Variants in C1QTNF8 observed in about 807,000 individuals in gnomAD.
The protein encoded by C1QTNF8 is complement C1q tumor necrosis factor-related protein 8.
Under a neutral mutation model 19.2 loss-of-function variants are expected in C1QTNF8, and 27 were observed. The ratio of observed to expected loss-of-function variants is 1.41; its 90% confidence interval spans 1.04 to 1.94. The LOEUF (loss-of-function observed/expected upper bound fraction) is 1.94. Among genes scored for constraint, C1QTNF8 ranks in the 30% most tolerant of loss-of-function variants. The pLI is 0.00. For synonymous variants in C1QTNF8, 208 were observed against 172.8 expected (o/e 1.20, Z -1.60); for missense variants, 484 against 374.4 (o/e 1.29, Z -2.42).
At chr16:1,094,531 A>C in intron 3 of C1QTNF8, 184 bp downstream of exon 3, 1 of 501,276 alleles carries the variant, frequency 2.0e-6, no homozygotes, top group Non-Finnish European at 3.4e-6. Context: ...TCCCTCCCCA[A>C]GCCAGGCTTC....
intron 4 of C1QTNF8, among the ~76,000 whole-genome samples, chr16:1,091,731 C>T (rs1012146622): frequency 6.6e-6 from 1 of 152,162 alleles, no homozygotes; most frequent in African/African-American, 2.4e-5. Flanking sequence ...CAATCTTCCT[C>T]CAGCCCCCAC....
chr16:1,094,152 G>A (rs1327284392), intron 3 of C1QTNF8, 101 bp from the exon 4 acceptor site: 8 of 956,364 alleles, frequency 8.4e-6, no homozygotes, highest in Non-Finnish European at 1.1e-5. Context: ...GTCACTGTAA[G>A]GACACACTCT....
At chr16:1,093,409 CACA>C in intron 4 of C1QTNF8, 85 bp downstream of exon 4, 1 of 666,468 alleles carries the variant, frequency 1.5e-6, no homozygotes. Context: ...CCCACACACA[CACA>C]CCCACACCCA....
intron 4 of C1QTNF8, among the ~76,000 whole-genome samples, chr16:1,092,400 C>G (rs1297541978): frequency 2.0e-5 from 3 of 148,340 alleles, no homozygotes; most frequent in African/African-American, 5.2e-5. Context: ...TGCACACAGT[C>G]GGCGCTCAAT....
At chr16:1,095,448 C>A (rs1207317113) in intron 2 of C1QTNF8, among the ~76,000 whole-genome samples, 167 bp downstream of exon 2, 2 of 152,172 alleles carry the variant, frequency 1.3e-5, no homozygotes, top group African/African-American at 4.8e-5. Context: ...CCTGCAGGGG[C>A]CTCGGGAGGC....
chr16:1,090,659 C>G (rs572838723), intron 4 of C1QTNF8, 65 bp from the exon 5 acceptor site: 1 of 152,310 alleles, frequency 6.6e-6, no homozygotes, highest in Non-Finnish European at 1.5e-5. Context: ...CACACAAAAA[C>G]GGCGGCTGTG....
At chr16:1,093,272 G>A (rs1383089982) in intron 4 of C1QTNF8, among the ~76,000 whole-genome samples, 2 of 137,748 alleles carry the variant, frequency 1.5e-5, no homozygotes, top group Non-Finnish European at 3.1e-5. Context: ...CACAGTCGGC[G>A]CTCAACAAAT....
In C1QTNF8 at chr16:1,094,715, C is replaced by CT; in HGVS notation, c.207dup (p.Gly70ArgfsTer2). ...TGCAGGCAGCACCCACGGGCCTCACCTTTGAGGATTTCGATGTCTATAGTG... is the reference window on the plus strand; with the variant it reads ...TGCAGGCAGCACCCACGGGCCTCACCTTTTGAGGATTTCGATGTCTATAGTG... On this transcript the variant is annotated frameshift_variant and splice_region_variant, in exon 3 of 5. Coordinates refer to ENST00000328449, the MANE Select transcript of C1QTNF8 (RefSeq NM_207419.3). LOFTEE classifies it high-confidence loss of function. The CT allele has an allele frequency of 6.3e-7, 1 of 1,593,998 alleles. No homozygotes were observed. Among genetic ancestry groups the CT allele is most frequent in the Non-Finnish European group, 8.5e-7 (1 of 1,170,988 alleles).
rs1050599278 is a variant in C1QTNF8, at chr16:1,094,991, A to T, written c.-11-58T>A. ...AGGAGGTGCCCCAGCTGGAGCCCCC[A>T]GACCCTACGGCAGCCCGGCCCTGCC... On this transcript the variant is annotated intron_variant, in intron 2 of 4. Transcript: ENST00000328449. The T allele has an allele frequency of 5.2e-6, 4 of 768,702 alleles. No individual in the cohort carries two copies. In the African/African-American group the frequency reaches 5.5e-5, roughly 10 times the overall value. 47.6% of individuals were successfully genotyped at this position (768,702 alleles called of 1,614,324 possible).
chr16:1,094,751 G>C lies in C1QTNF8; in HGVS notation c.172C>G (p.Arg58Gly). 1 of 1,562,498 alleles carries C rather than the reference G, an allele frequency of 6.4e-7. No individual in the cohort carries two copies. The highest frequency in any genetic ancestry group is 8.6e-7 in the Non-Finnish European group (1 of 1,156,660). ...WRGDLWRGLP[R>G]VRPTIDIEIL... is the part of the protein sequence containing the mutation. ...TCGATGTCTATAGTGGGCCGTACTCGAGGCAGCCCCCTCCACAGGTCCCCC... is the reference window on the plus strand; with the variant it reads ...TCGATGTCTATAGTGGGCCGTACTCCAGGCAGCCCCCTCCACAGGTCCCCC... The change falls in exon 3 of 5, where the codon CGA (arginine) becomes GGA (glycine). Residue 58 changes from arginine to glycine, a missense_variant. Physicochemically the swap from Arg to Gly is moderately radical, Grantham distance 125. Transcript: ENST00000328449.
Position 1,093,979 on chromosome 16 carries a change from C to A in C1QTNF8, c.281G>T (p.Gly94Val). 6.8e-7 allele frequency: 1 copy of A among 1,462,274 alleles called. No individual in the cohort carries two copies. Among genetic ancestry groups the A allele is most frequent in the South Asian group, 1.4e-5 (1 of 72,430 alleles). The allele number at this position is 1,462,274 out of a possible 1,614,324, so 90.6% of individuals were successfully genotyped here. A position where few individuals can be genotyped will look rare whatever the true frequency, so the allele number is the denominator to read the frequency against. The change falls in exon 4 of 5, where the codon GGC becomes GTC. Residue 94 changes from glycine (G) to valine (V), a missense_variant. Transcript: ENST00000328449. ...CTTCTGGCCTCTGCGGCCCTGCAGG[C>A]CCCGGGCGCCTGGCGGCCCCTCTTT... The part of the protein sequence containing the change: ...SGKEGPPGAR[G>V]LQGRRGQKGQ...
At position 1,094,059 on chromosome 16, in the gene C1QTNF8, G is replaced by A; in HGVS notation, c.209-8C>T. The A allele has an allele frequency of 1.4e-6, 2 of 1,437,486 alleles. No homozygotes were observed. Among genetic ancestry groups the A allele is most frequent in the Non-Finnish European group, 1.8e-6 (2 of 1,108,738 alleles). 89.0% of individuals were successfully genotyped at this position (1,437,486 alleles called of 1,614,324 possible). A position where few individuals can be genotyped will look rare whatever the true frequency, so the allele number is the denominator to read the frequency against. ...CGGCCTCACCCTTCTCACCTGCAGG[G>A]GACAAACGAAAGCCACGGGTCGGGG... On this transcript the variant is annotated splice_region_variant and splice_polypyrimidine_tract_variant and intron_variant, in intron 3 of 4. Coordinates refer to ENST00000328449, the MANE Select transcript of C1QTNF8 (RefSeq NM_207419.3).
chr16:1,094,639 C>A, intron 3 of C1QTNF8, 76 bp downstream of exon 3: 1 of 1,291,964 alleles, frequency 7.7e-7, no homozygotes, highest in South Asian at 1.4e-5. Context: ...TCCTCCCAAG[C>A]CCCAGGTGCT....
chr16:1,089,424 C>T lies in C1QTNF8; in HGVS notation c.*1175G>A, dbSNP rs541206861. ...CTCCGGGGCCTGGACACCAAGGGCT[C>T]GGCTCTGGGCAGTGCCCACTTGGGA... is the stretch of plus-strand genomic sequence containing the variant. On this transcript the variant is annotated 3_prime_UTR_variant, in exon 5 of 5. Transcript: ENST00000328449. Among the ~76,000 whole-genome samples, 60 of 152,320 alleles carry T rather than the reference C, an allele frequency of 3.9e-4. No individual in the cohort carries two copies. The highest frequency in any genetic ancestry group is 5.3e-4 in the Non-Finnish European group (36 of 68,012).
intron 2 of C1QTNF8, among the ~76,000 whole-genome samples, chr16:1,095,235 A>G (rs1337090881): frequency 6.6e-6 from 1 of 152,222 alleles, no homozygotes; most frequent in Non-Finnish European, 1.5e-5. Flanking sequence ...GAGGTCTCTG[A>G]GACAGCCCTC....
At chr16:1,091,756 T>A (rs939242646) in intron 4 of C1QTNF8, among the ~76,000 whole-genome samples, 17 of 152,056 alleles carry the variant, frequency 1.1e-4, no homozygotes, top group Admixed American at 1.0e-3. Flanking sequence ...TCAGACAGAC[T>A]GAGGACCCAT....
In C1QTNF8 at chr16:1,094,647, G is replaced by A. The variant is rs538624830; in HGVS notation, c.208+68C>T. Reference sequence around the variant, plus strand: ...CCGCCCCTCCTCCCAAGCCCCAGGTGCTCCCCACTCCCTGTGGGCTGTTGG... The same window carrying A: ...CCGCCCCTCCTCCCAAGCCCCAGGTACTCCCCACTCCCTGTGGGCTGTTGG... On this transcript the variant is annotated intron_variant, in intron 3 of 4. Coordinates refer to ENST00000328449, the MANE Select transcript of C1QTNF8 (RefSeq NM_207419.3). 5.2e-5 allele frequency: 71 copies of A among 1,360,242 alleles called. 1 individual carries two copies. Among genetic ancestry groups the A allele is most frequent in the South Asian group, 3.3e-4 (25 of 75,794 alleles). 84.3% of individuals were successfully genotyped at this position (1,360,242 alleles called of 1,614,324 possible). A position where few individuals can be genotyped will look rare whatever the true frequency, so the allele number is the denominator to read the frequency against.
chr16:1,096,268 G>T (rs544520539), upstream of C1QTNF8: 1 of 152,278 alleles, frequency 6.6e-6, no homozygotes, highest in African/African-American at 2.4e-5. Flanking sequence ...CAGGCCGAGA[G>T]GCCAGCTCCG....
In C1QTNF8 at chr16:1,094,721, G is replaced by T. The variant is rs760885203; in HGVS notation, c.202C>A (p.Leu68Ile). ...RVRPTIDIEI[L>I]KGEKGEAGVR... Reference sequence around the variant, plus strand: ...CAGCACCCACGGGCCTCACCTTTGAGGATTTCGATGTCTATAGTGGGCCGT... The same window carrying T: ...CAGCACCCACGGGCCTCACCTTTGATGATTTCGATGTCTATAGTGGGCCGT... The change falls in exon 3 of 5, where the codon CTC becomes ATC. Residue 68 changes from leucine to isoleucine, a missense_variant. Transcript: ENST00000328449. 1.3e-6 allele frequency: 2 copies of T among 1,592,926 alleles called. No individual in the cohort carries two copies. Among genetic ancestry groups the T allele is most frequent in the Non-Finnish European group, 8.5e-7 (1 of 1,170,536 alleles).
Sources: allele counts gnomAD v4.1 joint callset (sites outside exome capture counted in the v4.1 genomes callset), GRCh38; gene constraint gnomAD v4.1.1; transcripts MANE v1.5; gene names NCBI Gene and HGNC (gene_info 2026-07-23, HGNC 2026-07-21).